CECR2: variants seen among roughly 807,000 people sequenced by gnomAD.
CECR2 encodes the protein chromatin remodeling regulator CECR2.
In CECR2, 30 loss-of-function variants were observed where a neutral mutation model predicts 154.5. That is an observed-to-expected ratio of 0.19 (90% CI 0.15 to 0.26). The LOEUF is 0.26. CECR2 is among the 10% of genes least tolerant of loss of function. CECR2 has a pLI of 1.00. For synonymous variants in CECR2, 725 were observed against 683.7 expected (o/e 1.06, Z -0.94); for missense variants, 1,743 against 1,829.3 (o/e 0.95, Z 0.86).
intron 15 of CECR2, 24 bp from the exon 16 acceptor site, chr22:17,542,133 T>C (rs1601541585): frequency 6.2e-7 from 1 of 1,602,314 alleles, no homozygotes; most frequent in East Asian, 2.2e-5. Flanking sequence ...AGTCTGTAAC[T>C]GTGCTGCCTT....
intron 16 of CECR2, 39 bp from the exon 17 acceptor site, chr22:17,548,109 C>T: frequency 2.0e-6 from 3 of 1,471,192 alleles, no homozygotes; most frequent in Non-Finnish European, 2.7e-6. Context: ...ATTTCAGCTA[C>T]TGAGTTATTT....
chr22:17,366,258 C>T (rs1357805719), upstream of CECR2, among the ~76,000 whole-genome samples: 1 of 152,108 alleles, frequency 6.6e-6, no homozygotes, highest in Non-Finnish European at 1.5e-5. Flanking sequence ...GCACGATCTC[C>T]GCTCACTGCA....
At chr22:17,442,176 C>T (rs919060045) in intron 1 of CECR2, among the ~76,000 whole-genome samples, 2 of 152,164 alleles carry the variant, frequency 1.3e-5, no homozygotes, top group Non-Finnish European at 2.9e-5. Flanking sequence ...GCATGTCATA[C>T]TAGAAGAGTT....
At chr22:17,495,883 AAAG>A (rs1267703542) in intron 2 of CECR2, among the ~76,000 whole-genome samples, 2 of 150,926 alleles carry the variant, frequency 1.3e-5, no homozygotes, top group African/African-American at 4.9e-5. Flanking sequence ...AAAAAAAAAA[AAAG>A]GTATTTACAC....
rs375247052 is a variant in CECR2 at position 17,548,326 on chromosome 22, G to C, written c.3039G>C (p.Ala1013=). The change falls in exon 17 of 19, where the codon GCG becomes GCC. Residue 1013 remains alanine, a synonymous_variant. Transcript: ENST00000262608. The part of the protein sequence containing the change: ...PELKSSSSES[A]DNCKAMKGKN... ...TCAAAAGCAGCTCCTCCGAATCTGC[G>C]GACAACTGTAAAGCAATGAAGGGCA... 1 of 1,611,406 alleles carries C rather than the reference G, an allele frequency of 6.2e-7. No individual in the cohort carries two copies. The highest frequency in any genetic ancestry group is 1.7e-5 in the Admixed American group (1 of 59,558).
intron 9 of CECR2, 106 bp from the exon 10 acceptor site, chr22:17,536,997 T>TC: frequency 2.9e-6 from 4 of 1,383,742 alleles, no homozygotes; most frequent in Non-Finnish European, 3.9e-6. Flanking sequence ...TGCTTCATAA[T>TC]CCTGCTTTGG....
At chr22:17,546,482 T>A (rs1169661778) in intron 16 of CECR2, among the ~76,000 whole-genome samples, 3 of 111,784 alleles carry the variant, frequency 2.7e-5, no homozygotes, top group African/African-American at 4.6e-5. Context: ...CGAGACTCTG[T>A]CTCAAAAAAA....
At chr22:17,390,428 G>A (rs1175451104) in intron 1 of CECR2, among the ~76,000 whole-genome samples, 3 of 152,162 alleles carry the variant, frequency 2.0e-5, no homozygotes, top group Non-Finnish European at 1.5e-5. Flanking sequence ...GCTTTCCACT[G>A]CAAAGTTACT....
intron 2 of CECR2, among the ~76,000 whole-genome samples, chr22:17,480,110 T>A (rs1445357187): frequency 1.3e-5 from 2 of 152,180 alleles, no homozygotes; most frequent in Non-Finnish European, 2.9e-5. Flanking sequence ...TATCTGTCTT[T>A]AATTTGCAGA....
chr22:17,459,632 T>A (rs1056210698), intron 1 of CECR2, among the ~76,000 whole-genome samples: 5 of 152,154 alleles, frequency 3.3e-5, no homozygotes, highest in East Asian at 1.9e-4. Context: ...AATTTCATAC[T>A]ACCAAAAATA....
chr22:17,504,677 G>A (rs1413400789), intron 6 of CECR2, among the ~76,000 whole-genome samples, 170 bp from the exon 7 acceptor site: 7 of 151,188 alleles, frequency 4.6e-5, no homozygotes, highest in African/African-American at 1.2e-4. Context: ...TCCTGACCTC[G>A]TGATCCGCCC....
At chr22:17,382,166 A>G (rs577683633) in intron 1 of CECR2, among the ~76,000 whole-genome samples, 191 of 152,028 alleles carry the variant, frequency 1.3e-3, no homozygotes, top group African/African-American at 4.3e-3. Flanking sequence ...CTGGGATTAC[A>G]GGCGTGAGCC....
chr22:17,421,983 A>C (rs1321519239), intron 1 of CECR2, among the ~76,000 whole-genome samples: 4 of 151,808 alleles, frequency 2.6e-5, no homozygotes, highest in East Asian at 1.9e-4. Flanking sequence ...CAGGGTACAG[A>C]ATTCTAGGTT....
At chr22:17,387,191 A>G (rs1179279355) in intron 1 of CECR2, among the ~76,000 whole-genome samples, 1 of 152,232 alleles carries the variant, frequency 6.6e-6, no homozygotes, top group East Asian at 1.9e-4. Context: ...ACAGCTCAAC[A>G]GAAAGCCTTC....
chr22:17,395,592 G>A (rs1325363184), intron 1 of CECR2, among the ~76,000 whole-genome samples: 3 of 152,172 alleles, frequency 2.0e-5, no homozygotes, highest in East Asian at 1.9e-4. Context: ...TGATATGCCC[G>A]CCTCAGCCCT....
chr22:17,509,227 G>A (rs923177626), intron 7 of CECR2, among the ~76,000 whole-genome samples: 3 of 152,076 alleles, frequency 2.0e-5, no homozygotes, highest in Non-Finnish European at 4.4e-5. Context: ...CTCCAGCCTG[G>A]GCGACAGATG....
intron 1 of CECR2, chr22:17,476,993 T>C: frequency 3.2e-6 from 2 of 619,496 alleles, no homozygotes; most frequent in East Asian, 5.6e-5. Flanking sequence ...CGTTACCTCA[T>C]TCTGTTTAGA....
At chr22:17,382,715 G>C (rs183390894) in intron 1 of CECR2, among the ~76,000 whole-genome samples, 1 of 151,418 alleles carries the variant, frequency 6.6e-6, no homozygotes, top group African/African-American at 2.4e-5. Flanking sequence ...GACCAGCCTG[G>C]CCAACATGGT....
intron 2 of CECR2, among the ~76,000 whole-genome samples, chr22:17,482,143 G>A (rs1328670791): frequency 6.7e-4 from 54 of 80,032 alleles, no homozygotes; most frequent in African/African-American, 2.0e-3. Context: ...AAAAAAAAAG[G>A]GCGTGGCATG....
Sources: gnomAD v4.1 joint callset for allele counts (sites outside exome capture counted in the v4.1 genomes callset) on GRCh38, gnomAD v4.1.1 for gene constraint, MANE v1.5 for transcripts, NCBI Gene and HGNC (gene_info 2026-07-23, HGNC 2026-07-21) for gene names.